The following VNN2 variants were observed in gnomAD, a reference collection of about 807,000 sequenced individuals.
VNN2 encodes the protein pantetheine hydrolase VNN2.
In VNN2, 43 loss-of-function variants were observed where a neutral mutation model predicts 43.0. That is an observed-to-expected ratio of 1.00 (90% CI 0.78 to 1.29). VNN2 has a LOEUF of 1.29. Ranked by LOEUF, VNN2 falls within the 50% of genes most tolerant of loss-of-function variation. The pLI is 0.00. For missense variants in VNN2, 652 were observed against 619.7 expected, an observed-to-expected ratio of 1.05 and a Z score of -0.55; for synonymous variants, 230 against 224.3, an observed-to-expected ratio of 1.03 and a Z score of -0.23.
intron 6 of VNN2, among the ~76,000 whole-genome samples, chr6:132,748,050 C>G (rs184446170): frequency 6.6e-6 from 1 of 152,124 alleles, no homozygotes; most frequent in Non-Finnish European, 1.5e-5. Flanking sequence ...CAAAGTAGTA[C>G]GAGAAAATTA....
upstream of VNN2, among the ~76,000 whole-genome samples, chr6:132,759,487 T>C (rs967161461): frequency 2.7e-5 from 4 of 150,864 alleles, no homozygotes; most frequent in Non-Finnish European, 5.9e-5. Flanking sequence ...ATACAGGATG[T>C]GATCTCAGAT....
At position 132,756,023 on chromosome 6, in the gene VNN2, T is replaced by A; in HGVS notation, c.357A>T (p.Thr119=). Residue 119 remains threonine (T), a synonymous_variant, in exon 3 of 7, where the codon ACA becomes ACT. Coordinates refer to ENST00000326499, the MANE Select transcript of VNN2 (RefSeq NM_004665.6). ...PCQDPHRFGH[T]PVQARLSCLA... ...GGCAGCTGAGTCTTGCTTGTACTGG[T>A]GTGTGACCAAATCTAAACCAAATTA... 1 of 1,601,144 alleles carries A rather than the reference T, an allele frequency of 6.2e-7. No homozygotes were observed. The highest frequency in any genetic ancestry group is 8.5e-7 in the Non-Finnish European group (1 of 1,175,612).
intron 2 of VNN2, 42 bp from the exon 3 acceptor site, chr6:132,756,077 T>A (rs1780458844): frequency 2.0e-6 from 3 of 1,481,666 alleles, no homozygotes; most frequent in Admixed American, 5.1e-5. Flanking sequence ...TTTAAAAAAA[T>A]ATTTTAGTCA....
chr6:132,759,009 A>AC (rs1780661484), upstream of VNN2, among the ~76,000 whole-genome samples: 1 of 127,182 alleles, frequency 7.9e-6, no homozygotes, highest in Non-Finnish European at 1.7e-5. Context: ...CTCCCTCCCC[A>AC]CCCCCTGCTT....
chr6:132,753,231 C>G lies in VNN2; in HGVS notation c.538-482G>C, dbSNP rs367818895. On this transcript the variant is annotated intron_variant, in intron 3 of 6. Coordinates refer to ENST00000326499, the MANE Select transcript of VNN2 (RefSeq NM_004665.6). ...TAGTAGAGTCGGGGTTTCACCGTGT[C>G]AGCCAGGATGATCTCAATCTCCTGA... The G allele has an allele frequency of 2.0e-4, 45 of 222,746 alleles. 1 individual carries two copies. The South Asian group carries it at 2.3e-3, about 12-fold the overall frequency. 13.8% of individuals were successfully genotyped at this position (222,746 alleles called of 1,614,324 possible).
At position 132,755,836 on chromosome 6, in the gene VNN2, C is replaced by G. The variant is rs373960947; in HGVS notation, c.537+7G>C. Reference sequence around the variant, plus strand: ...CTCCATTTTACACGTCCGTCACTCTCTCTTACCTTATGGTAACGTGCCACG... The same window carrying G: ...CTCCATTTTACACGTCCGTCACTCTGTCTTACCTTATGGTAACGTGCCACG... On this transcript the variant is annotated splice_region_variant and intron_variant, in intron 3 of 6. Coordinates refer to ENST00000326499, the MANE Select transcript of VNN2 (RefSeq NM_004665.6). The G allele has an allele frequency of 1.9e-6, 3 of 1,608,074 alleles. No homozygotes were observed. The African/African-American group carries it at 4.0e-5, about 21-fold the overall frequency.
chr6:132,749,786 T>A lies in VNN2; in HGVS notation c.1280A>T (p.Glu427Val). The A allele has an allele frequency of 6.2e-7, 1 of 1,614,122 alleles. No homozygotes were observed. The highest frequency in any genetic ancestry group is 8.5e-7 in the Non-Finnish European group (1 of 1,180,008). The change falls in exon 6 of 7, where the codon GAA (glutamate) becomes GTA (valine). Residue 427 changes from glutamate to valine, a missense_variant. Coordinates refer to ENST00000326499, the MANE Select transcript of VNN2 (RefSeq NM_004665.6). Reference protein sequence around the residue: ...RPVETASTRFEMFSLSGTFGT... With the variant: ...RPVETASTRFVMFSLSGTFGT... ...AAATGTGCCACTGAGGGAGAACATTTCAAATCTTGTAGAAGCAGTTTCTAC... is the reference window on the plus strand; with the variant it reads ...AAATGTGCCACTGAGGGAGAACATTACAAATCTTGTAGAAGCAGTTTCTAC...
rs375557940 is a variant in VNN2 at position 132,757,895 on chromosome 6, A to G, written c.-12T>C. ...GAGGAAGTGACCATGGCCAAGGTTT[A>G]GTGATTTCTGAAAGCAAAAATAACA... On this transcript the variant is annotated 5_prime_UTR_variant, in exon 1 of 7. Coordinates refer to ENST00000326499, the MANE Select transcript of VNN2 (RefSeq NM_004665.6). 11 of 1,606,200 alleles carry G rather than the reference A, an allele frequency of 6.8e-6. No individual in the cohort carries two copies. Among genetic ancestry groups the G allele is most frequent in the Non-Finnish European group, 9.4e-6 (11 of 1,174,698 alleles).
At position 132,752,724 on chromosome 6, in the gene VNN2, A is replaced by C. The variant is rs760029616; in HGVS notation, c.563T>G (p.Phe188Cys). 1 of 1,614,102 alleles carries C rather than the reference A, an allele frequency of 6.2e-7. No homozygotes were observed. The highest frequency in any genetic ancestry group is 1.1e-5 in the South Asian group (1 of 91,074). The change falls in exon 4 of 7, where the codon TTT becomes TGT. Residue 188 changes from phenylalanine to cysteine, a missense_variant. Physicochemically the swap from Phe to Cys is radical, Grantham distance 205. Coordinates refer to ENST00000326499, the MANE Select transcript of VNN2 (RefSeq NM_004665.6). ...HKYHLYSEPQ[F>C]NVPEKPELVT... is the part of the protein sequence containing the mutation. ...CAACTCCGGCTTTTCAGGGACATTA[A>C]ACTGAGGCTCAGAGTACAGGTGGTA...
At chr6:132,751,921 C>T (rs969554909) in intron 4 of VNN2, among the ~76,000 whole-genome samples, 17 of 152,164 alleles carry the variant, frequency 1.1e-4, no homozygotes, top group Admixed American at 9.8e-4. Flanking sequence ...GATCTAATTC[C>T]TTTCCCCTTG....
intron 6 of VNN2, among the ~76,000 whole-genome samples, chr6:132,745,783 A>G (rs1242035430): frequency 6.6e-6 from 1 of 152,218 alleles, no homozygotes; most frequent in Non-Finnish European, 1.5e-5. Context: ...AGGAATATGT[A>G]CAAAGCAATT....
At chr6:132,760,514 C>T (rs1457980313), upstream of VNN2, 1 of 151,936 alleles carries the variant, frequency 6.6e-6, no homozygotes, top group Non-Finnish European at 1.5e-5. Flanking sequence ...AAATGATCAC[C>T]TTAAGAAGAC....
rs527280405 is a variant in VNN2, at chr6:132,754,570, G to T, written c.537+1273C>A. On this transcript the variant is annotated intron_variant, in intron 3 of 6. Transcript: ENST00000326499. The stretch of plus-strand genomic sequence containing the variant: ...AGATTCTGAGGCTACAGTTTAAGAT[G>T]CTTACAAAATATCTGGGTGTGGAGA... Among the ~76,000 whole-genome samples, 6 of 152,278 alleles carry T rather than the reference G, an allele frequency of 3.9e-5. No individual in the cohort carries two copies. In the South Asian group the frequency reaches 1.2e-3, roughly 32 times the overall value.
intron 6 of VNN2, among the ~76,000 whole-genome samples, chr6:132,745,673 A>G (rs1326810550): frequency 6.6e-6 from 1 of 152,242 alleles, no homozygotes; most frequent in Non-Finnish European, 1.5e-5. Context: ...ATTAGTGAAG[A>G]AGAGAAGAAG....
chr6:132,753,721 G>A (rs576923549), intron 3 of VNN2: 363 of 213,424 alleles, frequency 1.7e-3, no homozygotes, highest in Non-Finnish European at 3.0e-3. Flanking sequence ...GGAGGCCAAG[G>A]CAGGCAGATA....
intron 6 of VNN2, among the ~76,000 whole-genome samples, chr6:132,744,999 A>G (rs1779634361): frequency 1.3e-5 from 2 of 152,186 alleles, no homozygotes; most frequent in South Asian, 4.1e-4. Context: ...ATTTCTTTCA[A>G]GGGCTGTATG....
At chr6:132,757,362 C>T (rs147853519) in intron 2 of VNN2, 54 bp downstream of exon 2, 61 of 1,533,880 alleles carry the variant, frequency 4.0e-5, no homozygotes, top group Admixed American at 3.0e-4. Flanking sequence ...CTTTGGTGAA[C>T]GTGCGCATTT....
chr6:132,760,625 G>A (rs1780716228), upstream of VNN2: 1 of 151,808 alleles, frequency 6.6e-6, no homozygotes, highest in Non-Finnish European at 1.5e-5. Flanking sequence ...TTTGGGCCAT[G>A]ACCTACCTTC....
At chr6:132,745,887 T>C (rs1779688022) in intron 6 of VNN2, among the ~76,000 whole-genome samples, 1 of 152,154 alleles carries the variant, frequency 6.6e-6, no homozygotes, top group Admixed American at 6.5e-5. Flanking sequence ...GGAGTTGGAA[T>C]GGAGAAGAAA....
Sources: gnomAD v4.1 joint callset for allele counts (sites outside exome capture counted in the v4.1 genomes callset) on GRCh38, gnomAD v4.1.1 for gene constraint, MANE v1.5 for transcripts, NCBI Gene and HGNC (gene_info 2026-07-23, HGNC 2026-07-21) for gene names.